Variants in ZBTB20 observed in about 807,000 individuals in gnomAD.
ZBTB20 encodes zinc finger and BTB domain-containing protein 20.
ZBTB20 carries 9 observed loss-of-function variants against 56.9 expected under a neutral mutation model. The ratio of observed to expected loss-of-function variants is 0.16; its 90% CI spans 0.10 to 0.28. ZBTB20 has a LOEUF of 0.28. ZBTB20 is among the 10% of genes least tolerant of loss of function. The pLI, the probability that ZBTB20 is intolerant of heterozygous loss-of-function variation, is 1.00. For missense variants in ZBTB20, 655 were observed against 1,003.0 expected, an observed-to-expected ratio of 0.65 and a Z score of 4.69; for synonymous variants, 417 against 420.7, an observed-to-expected ratio of 0.99 and a Z score of 0.11.
intron 6 of ZBTB20, among the ~76,000 whole-genome samples, chr3:114,562,128 C>G (rs2052142718): frequency 6.6e-6 from 1 of 152,008 alleles, no homozygotes; most frequent in South Asian, 2.1e-4. Context: ...GGAGTCAGTG[C>G]CTTGCTCTGG....
intron 7 of ZBTB20, among the ~76,000 whole-genome samples, chr3:114,427,954 A>G (rs1275211473): frequency 6.6e-6 from 1 of 152,212 alleles, no homozygotes; most frequent in Non-Finnish European, 1.5e-5. Flanking sequence ...AAAGAGCTGA[A>G]AGGAAGAAGT....
chr3:114,780,828 G>A (rs77695940), intron 5 of ZBTB20, among the ~76,000 whole-genome samples: 5,989 of 152,106 alleles, frequency 0.039, 424 homozygotes, highest in African/African-American at 0.14. Context: ...TTATAAACAC[G>A]TAAACAATTT....
chr3:115,118,066 C>A (rs1371520666), intron 1 of ZBTB20, among the ~76,000 whole-genome samples: 1 of 152,106 alleles, frequency 6.6e-6, no homozygotes, highest in Non-Finnish European at 1.5e-5. Flanking sequence ...AAAGAGAAGG[C>A]AAAAGTATTA....
At chr3:115,135,902 G>A (rs2084640455) in intron 1 of ZBTB20, among the ~76,000 whole-genome samples, 2 of 152,088 alleles carry the variant, frequency 1.3e-5, no homozygotes, top group African/African-American at 4.8e-5. Flanking sequence ...CATTCCTTAA[G>A]AATTAGAAAG....
chr3:114,692,117 G>T (rs1578369724), intron 6 of ZBTB20, among the ~76,000 whole-genome samples: 1 of 152,132 alleles, frequency 6.6e-6, no homozygotes, highest in African/African-American at 2.4e-5. Context: ...TGGCTTGTTT[G>T]CAAGCCAGCA....
chr3:114,504,368 T>TATAC (rs1474176692), intron 6 of ZBTB20, among the ~76,000 whole-genome samples: 6 of 152,104 alleles, frequency 3.9e-5, no homozygotes, highest in Non-Finnish European at 8.8e-5. Flanking sequence ...TGGATATGAG[T>TATAC]ATACCCAGGA....
chr3:114,536,167 T>C (rs1457525513), intron 6 of ZBTB20, among the ~76,000 whole-genome samples: 2 of 151,944 alleles, frequency 1.3e-5, no homozygotes, highest in African/African-American at 4.8e-5. Context: ...ACAAGAGAAA[T>C]AAATAAAGGG....
rs188045536 is a variant in ZBTB20 at position 114,651,875 on chromosome 3, C to T, written c.-295+41653G>A. 3.9e-5 allele frequency among the ~76,000 whole-genome samples: 6 copies of T among 152,074 alleles called. No individual in the cohort carries two copies. The East Asian group carries it at 7.7e-4, about 20-fold the overall frequency. ...CAAATCTTGACAATTTACATTCTAC[C>T]ACATCTCTTGGAATCAGAGCAATAG... is the stretch of plus-strand genomic sequence containing the variant. On this transcript the variant is annotated intron_variant, in intron 6 of 11. Transcript: ENST00000675478.
intron 4 of ZBTB20, among the ~76,000 whole-genome samples, chr3:114,885,667 G>A (rs890521817): frequency 6.6e-6 from 1 of 151,718 alleles, no homozygotes. Context: ...TATTATCAAA[G>A]GCATATTTTC....
intron 4 of ZBTB20, among the ~76,000 whole-genome samples, chr3:114,897,647 T>C (rs2074939051): frequency 6.6e-6 from 1 of 152,106 alleles, no homozygotes; most frequent in African/African-American, 2.4e-5. Context: ...TAATTTCTAA[T>C]ATTGAGACTA....
At chr3:114,657,413 C>T (rs1413723125) in intron 6 of ZBTB20, among the ~76,000 whole-genome samples, 1 of 152,210 alleles carries the variant, frequency 6.6e-6, no homozygotes, top group East Asian at 1.9e-4. Flanking sequence ...TCCTCTTCAT[C>T]TAATGTATCT....
chr3:114,870,538 T>C (rs2075961649), intron 4 of ZBTB20, among the ~76,000 whole-genome samples: 1 of 151,590 alleles, frequency 6.6e-6, no homozygotes, highest in Admixed American at 6.6e-5. Flanking sequence ...GACTGAAAAT[T>C]CTGAGCCTTG....
chr3:114,987,781 G>T lies in ZBTB20; in HGVS notation c.-506-13365C>A, dbSNP rs541904264. Among the ~76,000 whole-genome samples the T allele has an allele frequency of 5.3e-5, 8 of 152,264 alleles. No homozygotes were observed. In the South Asian group the frequency reaches 6.2e-4, roughly 12 times the overall value. ...AATAATAAAGTGCCAAAAGTTGAGTGTAAGTGCAAACCCTTCAACATCACT... is the reference window on the plus strand; with the variant it reads ...AATAATAAAGTGCCAAAAGTTGAGTTTAAGTGCAAACCCTTCAACATCACT... On this transcript the variant is annotated intron_variant, in intron 2 of 11. Transcript: ENST00000675478.
chr3:114,644,225 T>C (rs575495888), intron 6 of ZBTB20, among the ~76,000 whole-genome samples: 9 of 152,098 alleles, frequency 5.9e-5, no homozygotes, highest in Middle Eastern at 3.4e-3. Flanking sequence ...TGAAAGCACA[T>C]GTATGCAGAA....
intron 1 of ZBTB20, among the ~76,000 whole-genome samples, chr3:115,127,066 G>A (rs1004584387): frequency 2.0e-5 from 3 of 152,118 alleles, no homozygotes; most frequent in African/African-American, 7.2e-5. Context: ...TTATTCTTTA[G>A]GTCTGAAGTG....
chr3:114,701,438 G>T (rs1011634320), intron 5 of ZBTB20, among the ~76,000 whole-genome samples: 2 of 152,108 alleles, frequency 1.3e-5, no homozygotes, highest in African/African-American at 2.4e-5. Flanking sequence ...GATGTAGAGG[G>T]ATTGGGGAGG....
At chr3:114,591,781 C>A (rs2055789904) in intron 6 of ZBTB20, among the ~76,000 whole-genome samples, 1 of 152,170 alleles carries the variant, frequency 6.6e-6, no homozygotes, top group Admixed American at 6.5e-5. Context: ...TCAGTCCTCC[C>A]TCTGAAGTGG....
At chr3:114,779,786 A>G (rs1299368892) in intron 5 of ZBTB20, among the ~76,000 whole-genome samples, 1 of 152,228 alleles carries the variant, frequency 6.6e-6, no homozygotes. Context: ...TAGGAATCTT[A>G]CAAATGAACA....
chr3:114,551,934 T>A (rs372629172), intron 6 of ZBTB20, among the ~76,000 whole-genome samples: 1 of 152,214 alleles, frequency 6.6e-6, no homozygotes. Flanking sequence ...GCTAAAAATA[T>A]AGTGGCGGCT....
Sources: gnomAD v4.1 joint callset for allele counts (sites outside exome capture counted in the v4.1 genomes callset) on GRCh38, gnomAD v4.1.1 for gene constraint, MANE v1.5 for transcripts, NCBI Gene and HGNC (gene_info 2026-07-23, HGNC 2026-07-21) for gene names.